The following PCNX2 variants were observed in gnomAD, a reference collection of about 807,000 sequenced individuals.
The protein encoded by PCNX2 is pecanex 2.
In PCNX2, 168 loss-of-function variants were observed where a neutral mutation model predicts 223.8. That is an observed-to-expected ratio of 0.75 (90% confidence interval 0.66 to 0.85). The LOEUF (loss-of-function observed/expected upper bound fraction) is 0.85, where lower values mean the gene tolerates loss of function less well. Among genes scored for constraint, PCNX2 ranks in the 40% least tolerant of loss-of-function variants. PCNX2 has a pLI of 0.00. For synonymous variants in PCNX2, 1,006 were observed against 1,052.6 expected (o/e 0.96, Z 0.86); for missense variants, 2,507 against 2,675.5 (o/e 0.94, Z 1.39).
chr1:233,167,878 T>C, intron 17 of PCNX2: 1 of 882,932 alleles, frequency 1.1e-6, no homozygotes, highest in Non-Finnish European at 1.4e-6. Context: ...CCACCTTCTA[T>C]AAGATATAAA....
At chr1:233,240,815 T>C (rs1658718304) in intron 8 of PCNX2, among the ~76,000 whole-genome samples, 1 of 152,200 alleles carries the variant, frequency 6.6e-6, no homozygotes, top group Admixed American at 6.5e-5. Context: ...TATTCCACCA[T>C]ACTGGACTCA....
At chr1:233,089,661 AC>A (rs1673772008) in intron 23 of PCNX2, among the ~76,000 whole-genome samples, 1 of 152,122 alleles carries the variant, frequency 6.6e-6, no homozygotes, top group African/African-American at 2.4e-5. Flanking sequence ...CTTGTACAGG[AC>A]TGTATATTTA....
chr1:233,084,679 T>G (rs1053775722), intron 23 of PCNX2, among the ~76,000 whole-genome samples: 17 of 152,230 alleles, frequency 1.1e-4, no homozygotes. Flanking sequence ...ACATGTATCA[T>G]GTAATTTCTG....
rs944778067 is a variant in PCNX2 at position 233,261,141 on chromosome 1, A to G, written c.517+144T>C. On this transcript the variant is annotated intron_variant, in intron 4 of 33. Transcript: ENST00000258229. ...TGAGAAAAAATTAAAATTAAGAGTT[A>G]AAGAAACAAAGTCAAAATATAACTA... 2.9e-5 allele frequency: 21 copies of G among 729,974 alleles called. No individual in the cohort carries two copies. The South Asian group carries it at 3.4e-4, about 12-fold the overall frequency. 45.2% of individuals were successfully genotyped at this position (729,974 alleles called of 1,614,324 possible). A position where few individuals can be genotyped will look rare whatever the true frequency, so the allele number is the denominator to read the frequency against.
At position 233,094,019 on chromosome 1, in the gene PCNX2, T is replaced by C. The variant is rs1558224394; in HGVS notation, c.3946+1736A>G. 3.9e-5 allele frequency among the ~76,000 whole-genome samples: 6 copies of C among 152,168 alleles called. No individual in the cohort carries two copies. The South Asian group carries it at 1.2e-3, about 32-fold the overall frequency. On this transcript the variant is annotated intron_variant, in intron 22 of 33. Coordinates refer to ENST00000258229, the MANE Select transcript of PCNX2 (RefSeq NM_014801.4). ...CATGTGTGAACCCTCAACACGAATA[T>C]AGGGCAAGTATTTGAAAATTATGGT... is the stretch of plus-strand genomic sequence containing the variant.
intron 21 of PCNX2, among the ~76,000 whole-genome samples, chr1:233,111,191 T>G (rs1302327267): frequency 1.3e-5 from 2 of 152,164 alleles, no homozygotes; most frequent in Non-Finnish European, 2.9e-5. Context: ...ATGCTAGGTC[T>G]GCCTCTTATT....
At chr1:233,200,049 G>C in intron 14 of PCNX2, 105 bp downstream of exon 14, 1 of 931,534 alleles carries the variant, frequency 1.1e-6, no homozygotes, top group Non-Finnish European at 1.6e-6. Flanking sequence ...TAAATGCTCA[G>C]GACAAAGAAA....
At chr1:233,290,132 C>T (rs1373355808) in intron 1 of PCNX2, among the ~76,000 whole-genome samples, 1 of 149,460 alleles carries the variant, frequency 6.7e-6, no homozygotes, top group African/African-American at 2.5e-5. Flanking sequence ...ATTTCTTAGG[C>T]CTCAGGAAGG....
In PCNX2 at chr1:233,231,085, CTG is replaced by C. The variant is rs531517973; in HGVS notation, c.2359-3716_2359-3715del. On this transcript the variant is annotated intron_variant, in intron 9 of 33. Coordinates refer to ENST00000258229, the MANE Select transcript of PCNX2 (RefSeq NM_014801.4). The stretch of plus-strand genomic sequence containing the variant: ...CAATAGCTCAGTTTTCTAAAAGAAA[CTG>C]AGGCTCTGAGAGATTAGGCCACTGG... Among the ~76,000 whole-genome samples the C allele has an allele frequency of 9.9e-5, 15 of 152,128 alleles. No individual in the cohort carries two copies. In the South Asian group the frequency reaches 2.9e-3, roughly 29 times the overall value.
chr1:233,092,975 A>ATTT (rs373637212), intron 22 of PCNX2, among the ~76,000 whole-genome samples: 2 of 151,870 alleles, frequency 1.3e-5, no homozygotes, highest in African/African-American at 4.8e-5. Context: ...ATTTTTTTGT[A>ATTT]TTTTTAGTAG....
intron 15 of PCNX2, among the ~76,000 whole-genome samples, chr1:233,187,997 CAACT>C (rs1258193817): frequency 6.6e-6 from 1 of 152,208 alleles, no homozygotes; most frequent in East Asian, 1.9e-4. Flanking sequence ...TCATAACCAC[CAACT>C]ATTTATGCTA....
chr1:233,200,380 A>T, intron 13 of PCNX2, 116 bp from the exon 14 acceptor site: 1 of 455,142 alleles, frequency 2.2e-6, no homozygotes, highest in Non-Finnish European at 3.7e-6. Context: ...TACTGGAGGC[A>T]ATCTTTTTTT....
intron 20 of PCNX2, among the ~76,000 whole-genome samples, chr1:233,136,783 T>TG (rs145275826): frequency 0.033 from 5,051 of 152,252 alleles, 112 homozygotes; most frequent in African/African-American, 0.067. Flanking sequence ...AAAACCCCTG[T>TG]GGAAAGCCAA....
At chr1:233,268,439 T>C (rs111582542) in intron 1 of PCNX2, among the ~76,000 whole-genome samples, 1,788 of 152,264 alleles carry the variant, frequency 0.012, 33 homozygotes, top group African/African-American at 0.04. Flanking sequence ...AGAAGGACAC[T>C]CTTGGGGGCT....
chr1:232,989,076 G>A (rs1285528148), intron 32 of PCNX2, among the ~76,000 whole-genome samples: 17 of 152,172 alleles, frequency 1.1e-4, no homozygotes, highest in Admixed American at 1.1e-3. Flanking sequence ...GGGCAGTTGG[G>A]TCCCCAGTTA....
At chr1:233,070,888 T>A (rs1184954136) in intron 23 of PCNX2, among the ~76,000 whole-genome samples, 2 of 151,838 alleles carry the variant, frequency 1.3e-5, no homozygotes, top group Admixed American at 1.3e-4. Flanking sequence ...TACAAAAAAA[T>A]TAGCCAGGTT....
chr1:233,117,221 A>T (rs1675462678), intron 21 of PCNX2, among the ~76,000 whole-genome samples: 3 of 152,264 alleles, frequency 2.0e-5, no homozygotes, highest in Admixed American at 2.0e-4. Flanking sequence ...TTAAAGAATT[A>T]ATGCCAATTC....
intron 21 of PCNX2, among the ~76,000 whole-genome samples, chr1:233,107,828 T>C (rs1674886783): frequency 6.6e-6 from 1 of 152,180 alleles, no homozygotes. Flanking sequence ...TGGGCTGCAT[T>C]CCCAGACACT....
intron 1 of PCNX2, chr1:233,288,739 C>G (rs1244517579): frequency 3.4e-6 from 2 of 596,180 alleles, no homozygotes; most frequent in African/African-American, 3.7e-5. Flanking sequence ...GGATGGCATT[C>G]AGCCCAAATC....
Sources: gnomAD v4.1 joint callset for allele counts (sites outside exome capture counted in the v4.1 genomes callset) on GRCh38, gnomAD v4.1.1 for gene constraint, MANE v1.5 for transcripts, NCBI Gene and HGNC (gene_info 2026-07-23, HGNC 2026-07-21) for gene names.